Variants in LINGO1 observed in about 807,000 individuals in gnomAD.
The protein encoded by LINGO1 is leucine rich repeat and Ig domain containing 1.
Under a neutral mutation model 37.3 loss-of-function variants are expected in LINGO1, and 11 were observed. The observed-to-expected ratio is 0.29, with a 90% confidence interval of 0.19 to 0.49. The LOEUF is 0.49. LINGO1 is among the 20% of genes least tolerant of loss of function. The pLI, the probability that LINGO1 is intolerant of heterozygous loss-of-function variation, is 0.99. For missense variants in LINGO1, 585 were observed against 878.2 expected (o/e 0.67, Z 4.22); for synonymous variants, 387 against 403.0 (o/e 0.96, Z 0.48).
upstream of LINGO1, among the ~76,000 whole-genome samples, chr15:77,698,380 T>C (rs2075724348): frequency 1.3e-5 from 2 of 152,324 alleles, no homozygotes; most frequent in South Asian, 4.1e-4. Flanking sequence ...GCCTACTACG[T>C]TCCAGGCACC....
At position 77,614,757 on chromosome 15, in the gene LINGO1, G is replaced by A. The variant is rs1219832893; in HGVS notation, c.1150C>T (p.Arg384Cys). 6.2e-7 allele frequency: 1 copy of A among 1,607,252 alleles called. No homozygotes were observed. Residue 384 changes from arginine to cysteine, a missense_variant, in exon 2 of 2, where the codon CGC becomes TGC. Physicochemically the swap from Arg to Cys is radical, Grantham distance 180. Around this residue, in one of 4 missense-constraint regions of LINGO1, gnomAD observed 484 missense variants for 735.0 expected, o/e 0.66. Coordinates refer to ENST00000355300, the MANE Select transcript of LINGO1 (RefSeq NM_032808.7). ...DCRLLWVFRR[R>C]WRLNFNRQQP... ...TGCCGGTTGAAGTTGAGCCGCCAGC[G>A]GCGCCGGAACACCCACAGGAGCCGA...
At chr15:77,720,341 G>C (rs1294152048) in intron 2 of LINGO1, among the ~76,000 whole-genome samples, 3 of 152,230 alleles carry the variant, frequency 2.0e-5, no homozygotes. Context: ...CCAATGGCCA[G>C]TCCCGCCGCC....
At chr15:77,762,062 C>T (rs2076483090) in intron 1 of LINGO1, among the ~76,000 whole-genome samples, 1 of 152,234 alleles carries the variant, frequency 6.6e-6, no homozygotes, top group Non-Finnish European at 1.5e-5. Context: ...TGATTCGGCC[C>T]TTAATTCACC....
chr15:77,807,817 G>A (rs561376188), intron 1 of LINGO1, among the ~76,000 whole-genome samples: 20 of 152,178 alleles, frequency 1.3e-4, no homozygotes, highest in South Asian at 8.3e-4. Context: ...CAGAGCGAGC[G>A]CCCGGCACGG....
At chr15:77,627,387 C>T (rs538338854) in intron 1 of LINGO1, among the ~76,000 whole-genome samples, 2 of 152,266 alleles carry the variant, frequency 1.3e-5, no homozygotes, top group South Asian at 4.1e-4. Flanking sequence ...ACCCTCTGGG[C>T]TGGCAAGGAT....
intron 1 of LINGO1, among the ~76,000 whole-genome samples, chr15:77,758,136 G>C (rs60973601): frequency 0.011 from 1,645 of 152,280 alleles, 34 homozygotes; most frequent in African/African-American, 0.038. Flanking sequence ...GGATGGGAGG[G>C]AGGTTGAAAA....
At chr15:77,709,925 TCC>T (rs1472763571) in intron 2 of LINGO1, among the ~76,000 whole-genome samples, 1 of 152,116 alleles carries the variant, frequency 6.6e-6, no homozygotes, top group Non-Finnish European at 1.5e-5. Flanking sequence ...CCACACGGTG[TCC>T]CCAGACCTAG....
At chr15:77,620,907 C>T (rs879928643) in intron 1 of LINGO1, among the ~76,000 whole-genome samples, 2 of 152,138 alleles carry the variant, frequency 1.3e-5, no homozygotes, top group Admixed American at 1.3e-4. Flanking sequence ...TCAGGAGTCA[C>T]TCTGTGCCAT....
In LINGO1 at chr15:77,725,555, C is replaced by A. The variant is rs150435674; in HGVS notation, c.-195+9437G>T. Among the ~76,000 whole-genome samples the A allele has an allele frequency of 8.5e-5, 13 of 152,212 alleles. No homozygotes were observed. In the East Asian group the frequency reaches 2.5e-3, roughly 29 times the overall value. On this transcript the variant is annotated intron_variant, in intron 2 of 3. Transcript: ENST00000561686. ...TCTAGCCTGGACAACAGAGCAAGACCCTGTCTCCAAATAAATAAATAAATA... is the reference window on the plus strand; with the variant it reads ...TCTAGCCTGGACAACAGAGCAAGACACTGTCTCCAAATAAATAAATAAATA...
At chr15:77,688,830 C>T (rs1477006092) in intron 2 of LINGO1, among the ~76,000 whole-genome samples, 5 of 152,244 alleles carry the variant, frequency 3.3e-5, no homozygotes, top group Non-Finnish European at 5.9e-5. Flanking sequence ...GCCACAGCAT[C>T]CTGGGCACTT....
chr15:77,728,634 G>T (rs1239124397), intron 2 of LINGO1, among the ~76,000 whole-genome samples: 1 of 152,188 alleles, frequency 6.6e-6, no homozygotes, highest in East Asian at 1.9e-4. Context: ...TTGTCTCTGG[G>T]CCCGTTTCCA....
Position 77,632,005 on chromosome 15 carries a change from G to A in LINGO1, c.6+305C>T, listed in dbSNP as rs1280971506. On this transcript the variant is annotated intron_variant, in intron 1 of 1. Coordinates refer to ENST00000355300, the MANE Select transcript of LINGO1 (RefSeq NM_032808.7). The surrounding 1 kb of genome is among the most constrained non-coding windows in gnomAD (Gnocchi z 6.0). ...CTCTAGAGTGACCAATACTCAGAAT[G>A]GGAGGGGGGACAGGAAGGGGAGACC... is the stretch of plus-strand genomic sequence containing the variant. Among the ~76,000 whole-genome samples the A allele has an allele frequency of 5.9e-5, 9 of 152,220 alleles. No individual in the cohort carries two copies.
intron 2 of LINGO1, among the ~76,000 whole-genome samples, chr15:77,686,021 C>T (rs1350744875): frequency 1.3e-5 from 2 of 152,124 alleles, no homozygotes; most frequent in Non-Finnish European, 1.5e-5. Flanking sequence ...TTCTCCAGCC[C>T]GGCTATTTGG....
intron 2 of LINGO1, among the ~76,000 whole-genome samples, chr15:77,792,370 C>G (rs981245894): frequency 6.6e-6 from 1 of 152,224 alleles, no homozygotes; most frequent in African/African-American, 2.4e-5. Context: ...TCTACTCTTG[C>G]CCACCCACCC....
intron 3 of LINGO1, among the ~76,000 whole-genome samples, chr15:77,669,887 C>G (rs1253706492): frequency 6.6e-6 from 1 of 152,236 alleles, no homozygotes; most frequent in Non-Finnish European, 1.5e-5. Context: ...ATTGAAAACA[C>G]TTGTGCACAA....
At chr15:77,706,441 T>C (rs1390139331) in intron 2 of LINGO1, among the ~76,000 whole-genome samples, 1 of 152,096 alleles carries the variant, frequency 6.6e-6, no homozygotes, top group Non-Finnish European at 1.5e-5. Context: ...ACTTCCTCTT[T>C]CTCTTAGACC....
chr15:77,634,886 C>T (rs754857980), upstream of LINGO1, among the ~76,000 whole-genome samples: 8 of 152,188 alleles, frequency 5.3e-5, no homozygotes, highest in African/African-American at 9.7e-5. Flanking sequence ...AGGCACCCGG[C>T]GGGCGCGCAG....
chr15:77,687,359 A>G (rs2075529395), intron 2 of LINGO1, among the ~76,000 whole-genome samples: 1 of 152,144 alleles, frequency 6.6e-6, no homozygotes. Flanking sequence ...TTAATGAGGG[A>G]CATTTTCTGT....
intron 3 of LINGO1, among the ~76,000 whole-genome samples, chr15:77,662,040 G>A (rs1245833444): frequency 6.6e-6 from 1 of 152,226 alleles, no homozygotes; most frequent in Non-Finnish European, 1.5e-5. Flanking sequence ...GAGATGGTAG[G>A]TAGGTTGAGG....
Sources: gnomAD v4.1 joint callset for allele counts (sites outside exome capture counted in the v4.1 genomes callset) on GRCh38, gnomAD v4.1.1 for gene constraint, gnomAD v4.1.1 regional missense constraint, Gnocchi (gnomAD v3.1) non-coding constraint, MANE v1.5 for transcripts, NCBI Gene and HGNC (gene_info 2026-07-23, HGNC 2026-07-21) for gene names.